Variants in NSUN3 observed in about 807,000 individuals in gnomAD.
The protein encoded by NSUN3 is tRNA (cytosine(34)-C(5))-methyltransferase, mitochondrial.
In NSUN3, 24 loss-of-function variants were observed where a neutral mutation model predicts 36.8. The observed-to-expected ratio is 0.65, with a 90% confidence interval of 0.47 to 0.92. The LOEUF (loss-of-function observed/expected upper bound fraction) is 0.92, where lower values mean the gene tolerates loss of function less well. NSUN3 is among the 40% of genes least tolerant of loss of function. The probability of loss-of-function intolerance (pLI) is 0.00; values close to 1 mark genes in which losing one functional copy is unlikely to be tolerated. For missense variants in NSUN3, 381 were observed against 392.8 expected (o/e 0.97, Z 0.25); for synonymous variants, 146 against 145.2 (o/e 1.01, Z -0.04).
In NSUN3 at chr3:94,094,217, C is replaced by G. The variant is rs1445871884; in HGVS notation, c.544C>G (p.Pro182Ala). ...RQTLESFIPQPLINVIKVSEL... is the reference protein window; with the variant it reads ...RQTLESFIPQALINVIKVSEL... ...GACGTTGGAATCTTTCATCCCACAGCCTTTGATAAATGTAATTAAAGTGTC... is the reference window on the plus strand; with the variant it reads ...GACGTTGGAATCTTTCATCCCACAGGCTTTGATAAATGTAATTAAAGTGTC... The change falls in exon 4 of 6, where the codon CCT becomes GCT. Residue 182 changes from proline (P) to alanine (A), a missense_variant. By Grantham distance (27) the Pro-to-Ala change is conservative (BLOSUM62 -1). Transcript: ENST00000314622. The G allele has an allele frequency of 6.2e-7, 1 of 1,613,340 alleles. No individual in the cohort carries two copies. Among genetic ancestry groups the G allele is most frequent in the East Asian group, 2.2e-5 (1 of 44,838 alleles).
At chr3:94,117,454 T>C (rs1257659366) in intron 5 of NSUN3, among the ~76,000 whole-genome samples, 2 of 152,152 alleles carry the variant, frequency 1.3e-5, no homozygotes, top group Admixed American at 6.5e-5. Flanking sequence ...AATTTAACAT[T>C]ATATTCTATT....
chr3:94,124,554 T>C (rs1009569759), intron 5 of NSUN3, among the ~76,000 whole-genome samples: 5 of 151,988 alleles, frequency 3.3e-5, no homozygotes, highest in Non-Finnish European at 5.9e-5. Flanking sequence ...CTTCTTTATA[T>C]GGTCCTCCCC....
At chr3:94,102,159 A>C (rs572128495) in intron 5 of NSUN3, among the ~76,000 whole-genome samples, 7 of 151,108 alleles carry the variant, frequency 4.6e-5, no homozygotes, top group African/African-American at 7.3e-5. Context: ...AATCCTTAAA[A>C]AGTGGCACTC....
At chr3:94,113,465 A>G (rs1488545907) in intron 5 of NSUN3, among the ~76,000 whole-genome samples, 1 of 152,216 alleles carries the variant, frequency 6.6e-6, no homozygotes, top group African/African-American at 2.4e-5. Context: ...CAGGTAAAAA[A>G]GGAAATGAAG....
intron 3 of NSUN3, among the ~76,000 whole-genome samples, chr3:94,093,378 A>T (rs2077324389): frequency 6.6e-6 from 1 of 151,978 alleles, no homozygotes; most frequent in Admixed American, 6.6e-5. Flanking sequence ...CAAAGGCTTT[A>T]CAATGTTTTT....
At position 94,129,563 on chromosome 3, in the gene NSUN3, C is replaced by T. The variant is rs1375222688; in HGVS notation, c.*3073C>T. On this transcript the variant is annotated 3_prime_UTR_variant, in exon 6 of 6. Coordinates refer to ENST00000314622, the MANE Select transcript of NSUN3 (RefSeq NM_022072.5). ...GGTACTGCACTCACTACCTGGGTGA[C>T]GGGATCGTCTGTACCCCAAACCTCA... is the stretch of plus-strand genomic sequence containing the variant. Among the ~76,000 whole-genome samples, 2 of 152,082 alleles carry T rather than the reference C, an allele frequency of 1.3e-5. No homozygotes were observed. Among genetic ancestry groups the T allele is most frequent in the East Asian group, 1.9e-4 (1 of 5,148 alleles).
intron 5 of NSUN3, among the ~76,000 whole-genome samples, chr3:94,108,773 C>T (rs2077402877): frequency 6.6e-6 from 1 of 152,182 alleles, no homozygotes; most frequent in African/African-American, 2.4e-5. Context: ...TCCATCAATT[C>T]TCCTGCCTCA....
At chr3:94,121,466 A>C (rs1487384575) in intron 5 of NSUN3, among the ~76,000 whole-genome samples, 2 of 152,192 alleles carry the variant, frequency 1.3e-5, no homozygotes, top group Admixed American at 6.5e-5. Flanking sequence ...CCCATGTAAA[A>C]TGGCTTGCTT....
intron 5 of NSUN3, among the ~76,000 whole-genome samples, chr3:94,104,272 A>G (rs1026773146): frequency 6.6e-6 from 1 of 152,250 alleles, no homozygotes; most frequent in Admixed American, 6.5e-5. Flanking sequence ...CTGGGGAGCT[A>G]CATCAGCTGT....
At chr3:94,064,897 A>G (rs542348345) in intron 2 of NSUN3, among the ~76,000 whole-genome samples, 1 of 152,260 alleles carries the variant, frequency 6.6e-6, no homozygotes, top group Non-Finnish European at 1.5e-5. Context: ...TGAAATTTAG[A>G]AGATAATACA....
chr3:94,115,924 C>T (rs2077438034), intron 5 of NSUN3, among the ~76,000 whole-genome samples: 1 of 152,116 alleles, frequency 6.6e-6, no homozygotes, highest in Non-Finnish European at 1.5e-5. Flanking sequence ...ATAGGACATC[C>T]TGCATCGTGG....
intron 3 of NSUN3, chr3:94,085,515 G>C (rs2077288508): frequency 6.6e-6 from 1 of 152,350 alleles, no homozygotes; most frequent in South Asian, 2.1e-4. Context: ...CCAGCACTTT[G>C]GGAAGCCAAG....
intron 5 of NSUN3, among the ~76,000 whole-genome samples, chr3:94,119,100 G>T (rs529383557): frequency 1.3e-5 from 2 of 152,182 alleles, no homozygotes; most frequent in Non-Finnish European, 2.9e-5. Flanking sequence ...TGTATAAATT[G>T]TTATGGAAGC....
intron 5 of NSUN3, among the ~76,000 whole-genome samples, chr3:94,105,512 A>G (rs1396096732): frequency 6.6e-6 from 1 of 152,112 alleles, no homozygotes; most frequent in Non-Finnish European, 1.5e-5. Context: ...TTAGGAAAAG[A>G]TGGTCATTTT....
rs1341915286 is a variant in NSUN3, at chr3:94,076,962, G to A, written c.123-7145G>A. On this transcript the variant is annotated intron_variant, in intron 2 of 5. Coordinates refer to ENST00000314622, the MANE Select transcript of NSUN3 (RefSeq NM_022072.5). ...AGATGTTTTTGTTCATCCAATGTGT[G>A]TGTGTACCCAGGACAAGTCGATGAA... 3.0e-6 allele frequency: 3 copies of A among 988,246 alleles called. No homozygotes were observed. The African/African-American group carries it at 4.8e-5, about 16-fold the overall frequency. 61.2% of individuals were successfully genotyped at this position (988,246 alleles called of 1,614,324 possible). A position where few individuals can be genotyped will look rare whatever the true frequency, so the allele number is the denominator to read the frequency against.
At chr3:94,068,805 C>T (rs1217306282) in intron 2 of NSUN3, among the ~76,000 whole-genome samples, 4 of 150,482 alleles carry the variant, frequency 2.7e-5, no homozygotes. Flanking sequence ...CACACACACA[C>T]ACATACACAC....
chr3:94,102,307 C>T (rs2077369394), intron 5 of NSUN3, among the ~76,000 whole-genome samples: 1 of 150,546 alleles, frequency 6.6e-6, no homozygotes, highest in Non-Finnish European at 1.5e-5. Context: ...CATCATTCAT[C>T]AACACAGTGA....
intron 2 of NSUN3, among the ~76,000 whole-genome samples, chr3:94,080,557 C>T (rs1003673738): frequency 6.6e-6 from 1 of 152,206 alleles, no homozygotes; most frequent in African/African-American, 2.4e-5. Context: ...GGGGTTTTAT[C>T]TATAAGTCCC....
rs1390176807 is a variant in NSUN3, at chr3:94,122,087, G to T, written c.744-4124G>T. ...TTGAACTGGAGAGGTGGAGGTTGCAGTGAGCCAGGATTGCACCACTGCACT... is the reference window on the plus strand; with the variant it reads ...TTGAACTGGAGAGGTGGAGGTTGCATTGAGCCAGGATTGCACCACTGCACT... On this transcript the variant is annotated intron_variant, in intron 5 of 5. Coordinates refer to ENST00000314622, the MANE Select transcript of NSUN3 (RefSeq NM_022072.5). Among the ~76,000 whole-genome samples the T allele has an allele frequency of 4.0e-5, 6 of 149,840 alleles. No individual in the cohort carries two copies. The East Asian group carries it at 1.2e-3, about 30-fold the overall frequency.
Sources: allele counts gnomAD v4.1 joint callset (sites outside exome capture counted in the v4.1 genomes callset), GRCh38; gene constraint gnomAD v4.1.1; transcripts MANE v1.5; gene names NCBI Gene and HGNC (gene_info 2026-07-23, HGNC 2026-07-21).